The following LINGO2 variants were observed in gnomAD, a reference collection of about 807,000 sequenced individuals.
The protein encoded by LINGO2 is leucine rich repeat and Ig domain containing 2, also known as leucine-rich repeat and immunoglobulin-like domain-containing nogo receptor-interacting protein 2.
Under a neutral mutation model 30.6 loss-of-function variants are expected in LINGO2, and 14 were observed. That is an observed-to-expected ratio of 0.46 (90% CI 0.30 to 0.72). The LOEUF is 0.72. Among genes scored for constraint, LINGO2 ranks in the 30% least tolerant of loss-of-function variants. The pLI is 0.07. For missense variants in LINGO2, 729 were observed against 751.7 expected (o/e 0.97, Z 0.35); for synonymous variants, 317 against 288.5 (o/e 1.10, Z -1.00).
intron 4 of LINGO2, among the ~76,000 whole-genome samples, chr9:28,085,024 T>G (rs552786670): frequency 2.0e-5 from 3 of 152,250 alleles, no homozygotes; most frequent in Admixed American, 2.0e-4. Context: ...ATTTAATCTT[T>G]AAAACAGTCT....
chr9:28,439,218 G>C (rs924633353), intron 2 of LINGO2, among the ~76,000 whole-genome samples: 1 of 150,304 alleles, frequency 6.7e-6, no homozygotes, highest in Non-Finnish European at 1.5e-5. Context: ...TTATGAAATA[G>C]AGATAATATA....
intron 4 of LINGO2, among the ~76,000 whole-genome samples, chr9:28,086,441 T>G (rs542207793): frequency 4.4e-4 from 67 of 152,226 alleles, no homozygotes; most frequent in African/African-American, 1.5e-3. Flanking sequence ...AAGTTTTTCC[T>G]TTCCAAACAC....
the LINGO2 span, among the ~76,000 whole-genome samples, chr9:28,729,835 A>C: frequency 2.6e-5 from 4 of 152,030 alleles, no homozygotes; most frequent in Non-Finnish European, 5.9e-5. Context: ...GCCAAATTCA[A>C]AGAGATGACT....
the LINGO2 span, among the ~76,000 whole-genome samples, chr9:28,937,134 C>T: frequency 6.6e-6 from 1 of 152,150 alleles, no homozygotes; most frequent in East Asian, 1.9e-4. Flanking sequence ...GATTTGGGGA[C>T]CATAATCTAC....
intron 4 of LINGO2, among the ~76,000 whole-genome samples, chr9:28,214,162 G>C (rs986073803): frequency 1.3e-4 from 20 of 151,668 alleles, no homozygotes; most frequent in African/African-American, 4.3e-4. Context: ...AATTATGTCA[G>C]CATCTTTCAT....
At chr9:28,843,326 T>C in the LINGO2 span, among the ~76,000 whole-genome samples, 1 of 151,666 alleles carries the variant, frequency 6.6e-6, no homozygotes, top group Non-Finnish European at 1.5e-5. Context: ...TTTTATTTCC[T>C]ATTATTCTGA....
chr9:28,191,708 G>T (rs112297256), intron 4 of LINGO2, among the ~76,000 whole-genome samples: 1 of 152,170 alleles, frequency 6.6e-6, no homozygotes, highest in African/African-American at 2.4e-5. Context: ...AAACCCGATG[G>T]TGATGTCTCT....
At chr9:28,187,180 T>C (rs116624223) in intron 4 of LINGO2, among the ~76,000 whole-genome samples, 2,061 of 152,176 alleles carry the variant, frequency 0.014, 45 homozygotes, top group African/African-American at 0.047. Context: ...CAGCATTTCC[T>C]GATAGAAGAT....
chr9:28,786,286 C>A, the LINGO2 span, among the ~76,000 whole-genome samples: 1 of 152,048 alleles, frequency 6.6e-6, no homozygotes, highest in Non-Finnish European at 1.5e-5. Flanking sequence ...GCATTTTAGT[C>A]CATTTTAATC....
the LINGO2 span, among the ~76,000 whole-genome samples, chr9:28,776,220 C>T: frequency 2.8e-4 from 42 of 152,338 alleles, no homozygotes; most frequent in African/African-American, 1.0e-3. Context: ...TGAACGACCA[C>T]TTAAGTGGTG....
chr9:28,761,233 G>T, the LINGO2 span, among the ~76,000 whole-genome samples: 33 of 151,908 alleles, frequency 2.2e-4, no homozygotes, highest in African/African-American at 7.5e-4. Context: ...AAAGAAAAAA[G>T]AAACCGACAG....
the LINGO2 span, among the ~76,000 whole-genome samples, chr9:28,959,954 G>A: frequency 6.6e-6 from 1 of 152,066 alleles, no homozygotes; most frequent in Admixed American, 6.6e-5. Context: ...TCATAGGGTA[G>A]TTTTAATGCT....
intron 3 of LINGO2, among the ~76,000 whole-genome samples, chr9:28,361,232 G>C (rs1820428040): frequency 6.6e-6 from 1 of 152,218 alleles, no homozygotes; most frequent in African/African-American, 2.4e-5. Flanking sequence ...CAAAGTGCAA[G>C]AGTAGTGATG....
At chr9:28,276,355 C>A (rs753828849) in intron 4 of LINGO2, among the ~76,000 whole-genome samples, 1 of 152,072 alleles carries the variant, frequency 6.6e-6, no homozygotes, top group Non-Finnish European at 1.5e-5. Context: ...TCTTTCAGTA[C>A]CATCCTTCCC....
intron 2 of LINGO2, among the ~76,000 whole-genome samples, chr9:28,467,835 T>C (rs1825374895): frequency 6.6e-6 from 1 of 152,080 alleles, no homozygotes; most frequent in Non-Finnish European, 1.5e-5. Context: ...AATACAACTG[T>C]GTCAACATGA....
the LINGO2 span, among the ~76,000 whole-genome samples, chr9:29,152,274 C>T: frequency 6.6e-6 from 1 of 152,062 alleles, no homozygotes; most frequent in African/African-American, 2.4e-5. Context: ...GATTTTCAAA[C>T]AAAACTACCA....
the LINGO2 span, among the ~76,000 whole-genome samples, chr9:28,705,949 C>T: frequency 1.3e-5 from 2 of 151,532 alleles, no homozygotes; most frequent in East Asian, 3.9e-4. Flanking sequence ...TCAAATTGTT[C>T]AGATTTTTAC....
chr9:28,791,951 TATC>T, the LINGO2 span, among the ~76,000 whole-genome samples: 3 of 151,618 alleles, frequency 2.0e-5, no homozygotes, highest in Admixed American at 2.0e-4. Flanking sequence ...TCACAGTAAT[TATC>T]ATATAATTAT....
intron 4 of LINGO2, among the ~76,000 whole-genome samples, chr9:28,219,368 A>G (rs1471327003): frequency 6.6e-6 from 1 of 152,092 alleles, no homozygotes; most frequent in East Asian, 1.9e-4. Context: ...ACTCTTTTAT[A>G]TTTCAAAATG....
Sources: allele counts gnomAD v4.1 joint callset (sites outside exome capture counted in the v4.1 genomes callset), GRCh38; gene constraint gnomAD v4.1.1; transcripts MANE v1.5; gene names NCBI Gene and HGNC (gene_info 2026-07-23, HGNC 2026-07-21).